ALK: variants seen among roughly 807,000 people sequenced by gnomAD.
The protein encoded by ALK is ALK receptor tyrosine kinase.
ALK carries 74 observed loss-of-function variants against 163.1 expected under a neutral mutation model. The ratio of observed to expected loss-of-function variants is 0.45; its 90% CI spans 0.38 to 0.55. ALK has a LOEUF of 0.55. ALK is among the 20% of genes least tolerant of loss of function. The pLI, the probability that ALK is intolerant of heterozygous loss-of-function variation, is 0.00. For synonymous variants in ALK, 960 were observed against 843.2 expected, an observed-to-expected ratio of 1.14 and a Z score of -2.40; for missense variants, 2,063 against 2,105.3, an observed-to-expected ratio of 0.98 and a Z score of 0.39.
At chr2:29,693,406 TAC>T (rs58588313) in intron 3 of ALK, among the ~76,000 whole-genome samples, 10,291 of 145,162 alleles carry the variant, frequency 0.071, 1,036 homozygotes, top group African/African-American at 0.23. Flanking sequence ...AGCACTCACC[TAC>T]ACACACACAC....
intron 4 of ALK, among the ~76,000 whole-genome samples, chr2:29,454,003 C>G (rs192463686): frequency 5.3e-4 from 81 of 152,250 alleles, no homozygotes; most frequent in African/African-American, 1.9e-3. Flanking sequence ...AGTGCTCCCC[C>G]AAAAGAGTTC....
chr2:29,435,226 G>A (rs1670369638), intron 4 of ALK, among the ~76,000 whole-genome samples: 2 of 152,082 alleles, frequency 1.3e-5, no homozygotes, highest in South Asian at 2.1e-4. Flanking sequence ...AACAGACATT[G>A]AGCCTACTAT....
rs562126373 is a variant in ALK at position 29,562,060 on chromosome 2, G to A, written c.953-29944C>T. Among the ~76,000 whole-genome samples the A allele has an allele frequency of 3.3e-5, 5 of 152,282 alleles. No individual in the cohort carries two copies. The South Asian group carries it at 1.0e-3, about 32-fold the overall frequency. ...TGAGCCATCAAATCCAGCAGGCCAA[G>A]CAAAGTTTATAACCAATCCCCTTCC... is the stretch of plus-strand genomic sequence containing the variant. On this transcript the variant is annotated intron_variant, in intron 3 of 28. Coordinates refer to ENST00000389048, the MANE Select transcript of ALK (RefSeq NM_004304.5).
intron 28 of ALK, 39 bp from the exon 29 acceptor site, chr2:29,193,961 C>T (rs1165472870): frequency 6.3e-7 from 1 of 1,594,784 alleles, no homozygotes. Context: ...GAATCAGAGA[C>T]AAAAAATGTT....
At chr2:29,827,948 G>A (rs922459667) in intron 1 of ALK, among the ~76,000 whole-genome samples, 10 of 152,264 alleles carry the variant, frequency 6.6e-5, no homozygotes, top group South Asian at 2.1e-4. Context: ...AAAACAGCAC[G>A]GTACTGGTAC....
At chr2:29,241,061 G>A (rs1351216359) in intron 12 of ALK, among the ~76,000 whole-genome samples, 6 of 152,194 alleles carry the variant, frequency 3.9e-5, no homozygotes, top group African/African-American at 1.4e-4. Flanking sequence ...AAGGAACTGA[G>A]GTCTTCATGG....
intron 23 of ALK, 135 bp downstream of exon 23, chr2:29,220,571 C>A (rs1041769073): frequency 2.4e-6 from 3 of 1,236,548 alleles, no homozygotes; most frequent in Admixed American, 4.1e-5. Context: ...AGTCAGTCAC[C>A]CCCCTGTCCA....
rs1366017808 is a variant in ALK at position 29,222,550 on chromosome 2, G to A, written c.3417C>T (p.Pro1139=). The change falls in exon 21 of 29, where the codon CCC becomes CCT. Residue 1139 remains proline, a synonymous_variant. Transcript: ENST00000389048. ...EVYEGQVSGM[P]NDPSPLQVAV... Reference sequence around the variant, plus strand: ...CCACTTGCAGGGGGCTTGGGTCGTTGGGCATTCCGGACACCTGGCCTTCAT... The same window carrying A: ...CCACTTGCAGGGGGCTTGGGTCGTTAGGCATTCCGGACACCTGGCCTTCAT... 2 of 1,613,964 alleles carry A rather than the reference G, an allele frequency of 1.2e-6. No individual in the cohort carries two copies. Among genetic ancestry groups the A allele is most frequent in the African/African-American group, 1.3e-5 (1 of 74,872 alleles).
Position 29,220,733 on chromosome 2 carries a change from G to A in ALK, c.3618C>T (p.Ser1206=), listed in dbSNP as rs2148166379. 6.2e-7 allele frequency: 1 copy of A among 1,613,882 alleles called. No individual in the cohort carries two copies. The highest frequency in any genetic ancestry group is 8.5e-7 in the Non-Finnish European group (1 of 1,179,844). Residue 1206 remains serine (S), a synonymous_variant, in exon 23 of 29, where the codon TCC becomes TCT. Coordinates refer to ENST00000389048, the MANE Select transcript of ALK (RefSeq NM_004304.5). ...GGCGAGGGCGGGTCTCTCGGAGGAAGGACTTGAGGTCTCCCCCCGCCATGA... is the reference window on the plus strand; with the variant it reads ...GGCGAGGGCGGGTCTCTCGGAGGAAAGACTTGAGGTCTCCCCCCGCCATGA... ...LELMAGGDLK[S]FLRETRPRPS...
intron 3 of ALK, among the ~76,000 whole-genome samples, chr2:29,584,156 G>A (rs1277422418): frequency 1.3e-5 from 2 of 152,150 alleles, no homozygotes; most frequent in African/African-American, 4.8e-5. Flanking sequence ...GGGCCTCTAT[G>A]AGAAGGAGAC....
intron 1 of ALK, among the ~76,000 whole-genome samples, chr2:29,814,219 G>A (rs963177076): frequency 6.6e-6 from 1 of 152,284 alleles, no homozygotes; most frequent in Admixed American, 6.5e-5. Context: ...GCGGCTAACT[G>A]ACTTGTCCGT....
intron 3 of ALK, among the ~76,000 whole-genome samples, chr2:29,536,698 G>C (rs1673265650): frequency 6.6e-6 from 1 of 152,150 alleles, no homozygotes; most frequent in African/African-American, 2.4e-5. Context: ...TCACAAGACA[G>C]GAAGACGAGG....
At chr2:29,625,346 C>T (rs1676161422) in intron 3 of ALK, among the ~76,000 whole-genome samples, 1 of 152,166 alleles carries the variant, frequency 6.6e-6, no homozygotes, top group African/African-American at 2.4e-5. Flanking sequence ...GAGGAGTGCA[C>T]ACATGCATAG....
At chr2:29,686,358 G>A (rs746699225) in intron 3 of ALK, among the ~76,000 whole-genome samples, 1 of 152,126 alleles carries the variant, frequency 6.6e-6, no homozygotes, top group South Asian at 2.1e-4. Flanking sequence ...TGAATCACTG[G>A]GCTGTTTAGA....
intron 5 of ALK, among the ~76,000 whole-genome samples, chr2:29,354,223 G>C (rs965920212): frequency 6.6e-6 from 1 of 152,192 alleles, no homozygotes; most frequent in Admixed American, 6.5e-5. Context: ...TTCCTGTCCT[G>C]ACTCCTCACA....
chr2:29,826,645 T>C (rs1401907265), intron 1 of ALK, among the ~76,000 whole-genome samples: 4 of 152,208 alleles, frequency 2.6e-5, no homozygotes, highest in African/African-American at 9.6e-5. Context: ...GAGAATAATG[T>C]TCTTACACTT....
At chr2:29,338,156 G>A (rs1448568038) in intron 5 of ALK, among the ~76,000 whole-genome samples, 1 of 152,178 alleles carries the variant, frequency 6.6e-6, no homozygotes, top group Non-Finnish European at 1.5e-5. Flanking sequence ...GAACCTTTGG[G>A]TGTCCTCATG....
At chr2:29,791,563 C>T (rs1664190127) in intron 1 of ALK, among the ~76,000 whole-genome samples, 1 of 152,056 alleles carries the variant, frequency 6.6e-6, no homozygotes, top group Non-Finnish European at 1.5e-5. Flanking sequence ...ACCACCATGG[C>T]ATGTGTATAC....
intron 3 of ALK, among the ~76,000 whole-genome samples, chr2:29,539,216 T>C (rs1423553373): frequency 6.6e-6 from 1 of 152,198 alleles, no homozygotes; most frequent in Non-Finnish European, 1.5e-5. Flanking sequence ...ATAAGGGTTA[T>C]ATTTATAATC....
Sources: gnomAD v4.1 joint callset for allele counts (sites outside exome capture counted in the v4.1 genomes callset) on GRCh38, gnomAD v4.1.1 for gene constraint, MANE v1.5 for transcripts, NCBI Gene and HGNC (gene_info 2026-07-23, HGNC 2026-07-21) for gene names.